The following SBSPON variants were observed in gnomAD, a reference collection of about 807,000 sequenced individuals.
SBSPON encodes somatomedin-B and thrombospondin type-1 domain-containing protein.
A neutral mutation model predicts 35.8 loss-of-function variants in SBSPON; 30 were observed. The ratio of observed to expected loss-of-function variants is 0.84; its 90% CI spans 0.63 to 1.14. The LOEUF (loss-of-function observed/expected upper bound fraction) is 1.14, where lower values mean the gene tolerates loss of function less well. Ranked by LOEUF, SBSPON falls within the 50% of genes most tolerant of loss-of-function variation. The probability of loss-of-function intolerance (pLI) is 0.00; values close to 1 mark genes in which losing one functional copy is unlikely to be tolerated. For synonymous variants in SBSPON, 136 were observed against 135.9 expected (o/e 1.00, Z 0.00); for missense variants, 364 against 357.7 (o/e 1.02, Z -0.14).
chr8:73,077,359 C>T (rs1446747359), intron 2 of SBSPON, among the ~76,000 whole-genome samples: 12 of 152,346 alleles, frequency 7.9e-5, no homozygotes, highest in South Asian at 2.1e-4. Flanking sequence ...TCGTGTGCCG[C>T]GCCTCAAAGG....
chr8:73,078,095 A>G (rs1810627130), intron 2 of SBSPON, among the ~76,000 whole-genome samples: 2 of 152,134 alleles, frequency 1.3e-5, no homozygotes, highest in South Asian at 4.1e-4. Flanking sequence ...AGTGGCTCTC[A>G]AACTCCAGTG....
At position 73,092,945 on chromosome 8, in the gene SBSPON, C is replaced by A. The variant is rs763149825; in HGVS notation, c.123G>T (p.Trp41Cys). ...GRDPACFARG[W>C]RLDRVYGTCF... ...ACGTCCCGTAGACCCTGTCCAGCCT[C>A]CAGCCGCGGGCGAAGCAGGCGGGGT... Residue 41 changes from tryptophan (W) to cysteine (C), a missense_variant, in exon 1 of 5, where the codon TGG (tryptophan) becomes TGT (cysteine). By Grantham distance (215) the Trp-to-Cys change is radical. Transcript: ENST00000297354. 6.2e-7 allele frequency: 1 copy of A among 1,605,566 alleles called. No individual in the cohort carries two copies. The highest frequency in any genetic ancestry group is 8.5e-7 in the Non-Finnish European group (1 of 1,177,480).
Position 73,067,425 on chromosome 8 carries a change from A to G in SBSPON, c.711T>C (p.Asn237=). 1 of 1,610,950 alleles carries G rather than the reference A, an allele frequency of 6.2e-7. No individual in the cohort carries two copies. Among genetic ancestry groups the G allele is most frequent in the Non-Finnish European group, 8.5e-7 (1 of 1,177,924 alleles). The change falls in exon 5 of 5, where the codon AAT becomes AAC. Residue 237 remains asparagine (N), a synonymous_variant. Coordinates refer to ENST00000297354, the MANE Select transcript of SBSPON (RefSeq NM_153225.4). ...NQTLHWQAIG[N]PRCQGTWKKV... ...TTTTCCAAGTTCCTTGACACCGAGG[A>G]TTACCAATTGCTTGCCAATGGAGAG...
chr8:73,091,152 G>A (rs746877196), intron 1 of SBSPON, among the ~76,000 whole-genome samples: 13 of 152,170 alleles, frequency 8.5e-5, no homozygotes, highest in Non-Finnish European at 1.6e-4. Flanking sequence ...ACAAGCAGGT[G>A]ATGCCCACAG....
intron 1 of SBSPON, among the ~76,000 whole-genome samples, chr8:73,090,189 G>A (rs764662624): frequency 6.6e-6 from 1 of 152,178 alleles, no homozygotes; most frequent in Admixed American, 6.5e-5. Context: ...GTATCATTCC[G>A]CTTTAATGAG....
intron 4 of SBSPON, among the ~76,000 whole-genome samples, 191 bp downstream of exon 4, chr8:73,069,614 C>T (rs902585704): frequency 2.6e-5 from 4 of 152,138 alleles, no homozygotes; most frequent in African/African-American, 7.2e-5. Context: ...TGTATAGGGC[C>T]TGTGGGTTCC....
intron 3 of SBSPON, 91 bp downstream of exon 3, chr8:73,071,689 G>T (rs960974228): frequency 5.5e-6 from 4 of 731,618 alleles, no homozygotes; most frequent in Non-Finnish European, 9.1e-6. Context: ...GTAGAAAGAA[G>T]AAGAAAACAT....
At chr8:73,080,386 G>C (rs1810673160) in intron 2 of SBSPON, among the ~76,000 whole-genome samples, 1 of 151,904 alleles carries the variant, frequency 6.6e-6, no homozygotes, top group East Asian at 1.9e-4. Flanking sequence ...GTGGTGGCAG[G>C]CGCCTGTAGT....
rs1563485849 is a variant in SBSPON at position 73,069,978 on chromosome 8, GTATC to G, written c.501-1_503del. On this transcript the variant is annotated splice_acceptor_variant and coding_sequence_variant, in exon 4 of 5. Transcript: ENST00000297354. LOFTEE classifies it high-confidence loss of function. Reference sequence around the variant, plus strand: ...AGGACTCTGTCTTAAACTCCATACAGTATCTACAGCAAAAGAAGTAACAATGACA... The same window carrying G: ...AGGACTCTGTCTTAAACTCCATACAGTACAGCAAAAGAAGTAACAATGACA... 6.4e-7 allele frequency: 1 copy of G among 1,563,222 alleles called. No homozygotes were observed. Among genetic ancestry groups the G allele is most frequent in the South Asian group, 1.2e-5 (1 of 83,758 alleles).
intron 1 of SBSPON, among the ~76,000 whole-genome samples, chr8:73,084,554 CT>C (rs896335095): frequency 7.2e-5 from 11 of 152,246 alleles, no homozygotes; most frequent in Admixed American, 4.6e-4. Context: ...ACATGGGCCT[CT>C]TTACCCCTTG....
At chr8:73,081,343 A>G in intron 1 of SBSPON, 130 bp from the exon 2 acceptor site, 1 of 673,846 alleles carries the variant, frequency 1.5e-6, no homozygotes, top group South Asian at 2.6e-5. Flanking sequence ...GTATCAGGAG[A>G]CGCACACAAA....
intron 1 of SBSPON, among the ~76,000 whole-genome samples, chr8:73,083,610 C>T (rs967846957): frequency 6.6e-6 from 1 of 152,176 alleles, no homozygotes; most frequent in African/African-American, 2.4e-5. Flanking sequence ...TTGGACGATG[C>T]CAATAGTATT....
In SBSPON at chr8:73,067,283, A is replaced by G; in HGVS notation, c.*58T>C. On this transcript the variant is annotated 3_prime_UTR_variant, in exon 5 of 5. Transcript: ENST00000297354. The stretch of plus-strand genomic sequence containing the variant: ...ATTGAAGGTTTAGGAAACATTGAAC[A>G]TGACTTGAGAATATTTAGAATGTTT... 3 of 1,065,932 alleles carry G rather than the reference A, an allele frequency of 2.8e-6. No individual in the cohort carries two copies. The highest frequency in any genetic ancestry group is 2.9e-6 in the Non-Finnish European group (2 of 689,150). The allele number at this position is 1,065,932 out of a possible 1,614,324, so 66.0% of individuals were successfully genotyped here.
intron 1 of SBSPON, among the ~76,000 whole-genome samples, chr8:73,087,504 C>T (rs769606963): frequency 6.6e-6 from 1 of 152,202 alleles, no homozygotes; most frequent in African/African-American, 2.4e-5. Context: ...TGAATACTGG[C>T]TCCAGTCAGG....
rs538531978 is a variant in SBSPON, at chr8:73,064,553, G to T, written c.*2788C>A. 6.6e-6 allele frequency: 1 copy of T among 152,268 alleles called. No homozygotes were observed. The highest frequency in any genetic ancestry group is 6.5e-5 in the Admixed American group (1 of 15,300). The allele number at this position is 152,268 out of a possible 1,614,324, so 9.4% of individuals were successfully genotyped here. ...TTCACTAGAATATTCTTAGAGGGCA[G>T]GAACCAGTTTTATTAACATCAATTT... On this transcript the variant is annotated 3_prime_UTR_variant, in exon 5 of 5. Transcript: ENST00000297354.
At chr8:73,073,967 TAGAA>T (rs1184440420) in intron 2 of SBSPON, among the ~76,000 whole-genome samples, 8 of 152,324 alleles carry the variant, frequency 5.3e-5, no homozygotes, top group South Asian at 2.1e-4. Context: ...CAGACAGAAT[TAGAA>T]AGAACAAGAG....
chr8:73,085,819 G>A (rs1191006162), intron 1 of SBSPON: 4 of 152,072 alleles, frequency 2.6e-5, no homozygotes, highest in Admixed American at 6.5e-5. Flanking sequence ...TTTTTCCTTC[G>A]AGGTGAGGCC....
In SBSPON at chr8:73,092,963, G is replaced by A; in HGVS notation, c.105C>T (p.Ala35=). The change falls in exon 1 of 5, where the codon GCC becomes GCT. Residue 35 remains alanine (A), a synonymous_variant. Transcript: ENST00000297354. ...CCAGCCTCCAGCCGCGGGCGAAGCA[G>A]GCGGGGTCCCGGCCGGGACAGCAGC... The part of the protein sequence containing the change: ...AGRCCPGRDP[A]CFARGWRLDR... 6.3e-7 allele frequency: 1 copy of A among 1,599,888 alleles called. No homozygotes were observed. Among genetic ancestry groups the A allele is most frequent in the Non-Finnish European group, 8.5e-7 (1 of 1,175,014 alleles).
At chr8:73,078,094 C>A (rs1390199048) in intron 2 of SBSPON, among the ~76,000 whole-genome samples, 1 of 152,184 alleles carries the variant, frequency 6.6e-6, no homozygotes, top group African/African-American at 2.4e-5. Flanking sequence ...CAGTGGCTCT[C>A]AAACTCCAGT....
Sources: allele counts gnomAD v4.1 joint callset (sites outside exome capture counted in the v4.1 genomes callset), GRCh38; gene constraint gnomAD v4.1.1; transcripts MANE v1.5; gene names NCBI Gene and HGNC (gene_info 2026-07-23, HGNC 2026-07-21).